Variants in HKDC1 observed in about 807,000 individuals in gnomAD.
The protein encoded by HKDC1 is hexokinase HKDC1.
A neutral mutation model predicts 96.6 loss-of-function variants in HKDC1; 66 were observed. The observed-to-expected ratio is 0.68, with a 90% CI of 0.56 to 0.84. The LOEUF is 0.84. Among genes scored for constraint, HKDC1 ranks in the 40% least tolerant of loss-of-function variants. HKDC1 has a pLI of 0.00. For missense variants in HKDC1, 1,211 were observed against 1,208.1 expected, an observed-to-expected ratio of 1.00 and a Z score of -0.04; for synonymous variants, 466 against 473.1, an observed-to-expected ratio of 0.98 and a Z score of 0.20.
chr10:69,228,425 G>A (rs147870344), intron 2 of HKDC1, among the ~76,000 whole-genome samples: 1 of 152,152 alleles, frequency 6.6e-6, no homozygotes, highest in Non-Finnish European at 1.5e-5. Context: ...GATATTCACA[G>A]GATCTGGGGA....
At chr10:69,237,196 G>T (rs1189360751) in intron 4 of HKDC1, among the ~76,000 whole-genome samples, 1 of 152,008 alleles carries the variant, frequency 6.6e-6, no homozygotes, top group Non-Finnish European at 1.5e-5. Context: ...AACATCATGA[G>T]CATAAGAATT....
chr10:69,258,648 C>T (rs905079436), intron 14 of HKDC1, 128 bp from the exon 15 acceptor site: 29 of 921,806 alleles, frequency 3.1e-5, no homozygotes, highest in Non-Finnish European at 4.4e-5. Context: ...CCAGCTATGA[C>T]TGTAAAGCTG....
intron 1 of HKDC1, chr10:69,222,897 G>C (rs937601833): frequency 3.9e-4 from 59 of 152,208 alleles, no homozygotes; most frequent in African/African-American, 1.4e-3. Context: ...GGCACAGCTC[G>C]TTTCTCTGCG....
intron 7 of HKDC1, among the ~76,000 whole-genome samples, chr10:69,245,570 CAATAATAAT>C (rs10646729): frequency 0.031 from 4,325 of 139,372 alleles, 97 homozygotes; most frequent in Non-Finnish European, 0.049. Context: ...ATCCTGTCTC[CAATAATAAT>C]AATAATAATA....
chr10:69,248,808 T>C, intron 10 of HKDC1, 80 bp downstream of exon 10: 1 of 1,361,248 alleles, frequency 7.3e-7, no homozygotes, highest in South Asian at 1.5e-5. Flanking sequence ...AGGTTCTTGG[T>C]TTTTAGAAAC....
At chr10:69,259,114 C>G (rs41314996) in intron 15 of HKDC1, among the ~76,000 whole-genome samples, 155 bp downstream of exon 15, 18,396 of 152,156 alleles carry the variant, frequency 0.12, 1,462 homozygotes, top group Middle Eastern at 0.2. Context: ...AATATGATGA[C>G]AAGTTTGCAA....
Position 69,267,380 on chromosome 10 carries a change from C to T in HKDC1, c.*623C>T. ...ATGCTTAAAGCGAGTTATGTCAGCA[C>T]CCTGTAGGATTTTGTTCCTTATTAA... On this transcript the variant is annotated 3_prime_UTR_variant, in exon 18 of 18. Transcript: ENST00000354624. The T allele has an allele frequency of 2.4e-6, 1 of 423,584 alleles. No individual in the cohort carries two copies. Among genetic ancestry groups the T allele is most frequent in the South Asian group, 1.7e-5 (1 of 57,866 alleles). The allele number at this position is 423,584 out of a possible 1,614,324, so 26.2% of individuals were successfully genotyped here.
In HKDC1 at chr10:69,250,422, G is replaced by A. The variant is rs777052195; in HGVS notation, c.1703G>A (p.Gly568Asp). ...IFAIPLEIMQ[G>D]TGEELFDHIV... ...GCCATCCCCCTGGAGATCATGCAGGGCACTGGTGAGGAGGTAAGTGCCAGG... is the reference window on the plus strand; with the variant it reads ...GCCATCCCCCTGGAGATCATGCAGGACACTGGTGAGGAGGTAAGTGCCAGG... Residue 568 changes from glycine to aspartate, a missense_variant, in exon 11 of 18, where the codon GGC becomes GAC. Gly to Asp is a moderately conservative substitution (Grantham distance 94). Transcript: ENST00000354624. The A allele has an allele frequency of 2.5e-6, 4 of 1,613,444 alleles. No homozygotes were observed. The South Asian group carries it at 4.4e-5, about 18-fold the overall frequency.
At chr10:69,252,553 G>C (rs917878632) in intron 12 of HKDC1, among the ~76,000 whole-genome samples, 2 of 151,270 alleles carry the variant, frequency 1.3e-5, no homozygotes, top group Non-Finnish European at 2.9e-5. Context: ...GCTGAGGCAG[G>C]AGAATGGCGT....
intron 2 of HKDC1, chr10:69,232,391 G>A (rs1843278729): frequency 4.7e-6 from 1 of 214,886 alleles, no homozygotes; most frequent in Non-Finnish European, 9.3e-6. Flanking sequence ...GTTTCCCCAG[G>A]CTGGGAGCAC....
intron 6 of HKDC1, 53 bp downstream of exon 6, chr10:69,240,804 A>G: frequency 7.2e-7 from 1 of 1,385,736 alleles, no homozygotes; most frequent in South Asian, 1.2e-5. Flanking sequence ...ACTGTTTGGG[A>G]GTTTCATTTC....
chr10:69,251,823 G>A (rs1843647993), intron 12 of HKDC1, among the ~76,000 whole-genome samples: 1 of 148,972 alleles, frequency 6.7e-6, no homozygotes, highest in African/African-American at 2.5e-5. Context: ...ACACTGATGT[G>A]ATCTCAGCTC....
chr10:69,237,587 C>T (rs1843382668), intron 4 of HKDC1, among the ~76,000 whole-genome samples: 1 of 152,122 alleles, frequency 6.6e-6, no homozygotes, highest in Admixed American at 6.5e-5. Flanking sequence ...ATGTAATTGC[C>T]TTTTTAATTT....
chr10:69,240,691 G>T lies in HKDC1; in HGVS notation c.631G>T (p.Val211Leu). The T allele has an allele frequency of 3.7e-6, 6 of 1,614,076 alleles. No individual in the cohort carries two copies. The highest frequency in any genetic ancestry group is 1.1e-5 in the South Asian group (1 of 91,066). The part of the protein sequence containing the change: ...VDILALVNDT[V>L]GTMMTCAYDD... ...CATCCTGGCCCTGGTCAATGACACCGTGGGGACCATGATGACCTGTGCCTA... is the reference window on the plus strand; with the variant it reads ...CATCCTGGCCCTGGTCAATGACACCTTGGGGACCATGATGACCTGTGCCTA... Residue 211 changes from valine (V) to leucine (L), a missense_variant, in exon 6 of 18, where the codon GTG (valine) becomes TTG (leucine). Physicochemically the swap from Val to Leu is conservative, Grantham distance 32. Coordinates refer to ENST00000354624, the MANE Select transcript of HKDC1 (RefSeq NM_025130.4).
intron 7 of HKDC1, among the ~76,000 whole-genome samples, chr10:69,245,454 C>T (rs1056851537): frequency 6.6e-6 from 1 of 151,790 alleles, no homozygotes; most frequent in African/African-American, 2.4e-5. Flanking sequence ...TGTGATGATG[C>T]ACCCCTATGG....
At chr10:69,247,126 T>G (rs554044067) in intron 8 of HKDC1, among the ~76,000 whole-genome samples, 20 of 152,310 alleles carry the variant, frequency 1.3e-4, no homozygotes, top group African/African-American at 4.1e-4. Context: ...CGCAGGATTT[T>G]TGTGGGCGTT....
chr10:69,259,301 G>A (rs1843771763), intron 15 of HKDC1, among the ~76,000 whole-genome samples: 1 of 152,180 alleles, frequency 6.6e-6, no homozygotes, highest in African/African-American at 2.4e-5. Context: ...AACATCCTCA[G>A]GCCTTCAAGA....
At chr10:69,249,013 CG>C in intron 10 of HKDC1, 1 of 285,610 alleles carries the variant, frequency 3.5e-6, no homozygotes, top group East Asian at 6.4e-5. Context: ...GTACCCCCCC[CG>C]ACCCCCAGAT....
intron 7 of HKDC1, among the ~76,000 whole-genome samples, chr10:69,244,678 TAGTC>T (rs1843510937): frequency 6.7e-6 from 1 of 148,368 alleles, no homozygotes; most frequent in Non-Finnish European, 1.5e-5. Flanking sequence ...AAAAAAAAAT[TAGTC>T]AGGTGTGATG....
Sources: allele counts gnomAD v4.1 joint callset (sites outside exome capture counted in the v4.1 genomes callset), GRCh38; gene constraint gnomAD v4.1.1; transcripts MANE v1.5; gene names NCBI Gene and HGNC (gene_info 2026-07-23, HGNC 2026-07-21).